The following SETX variants were observed in gnomAD, a reference collection of about 807,000 sequenced individuals.
SETX encodes helicase senataxin.
In SETX, 90 loss-of-function variants were observed where a neutral mutation model predicts 227.2. The observed-to-expected ratio is 0.40, with a 90% CI of 0.33 to 0.47. The LOEUF is 0.47. SETX is among the 20% of genes least tolerant of loss of function. The pLI is 0.91. For missense variants in SETX, 3,052 were observed against 3,181.5 expected, an observed-to-expected ratio of 0.96 and a Z score of 0.98; for synonymous variants, 1,210 against 1,113.2, an observed-to-expected ratio of 1.09 and a Z score of -1.73.
intron 15 of SETX, among the ~76,000 whole-genome samples, chr9:132,289,130 T>A (rs10793911): frequency 0.056 from 8,524 of 152,252 alleles, 370 homozygotes; most frequent in East Asian, 0.25. Flanking sequence ...TAAAGCCTTC[T>A]AATTGCCATC....
In SETX at chr9:132,329,005, T is replaced by C; in HGVS notation, c.2593A>G (p.Lys865Glu). ...EQKSQNNVLP[K>E]EKQLKNEELV... ...TCTTCATTCTTTAATTGTTTCTCTT[T>C]TGGCAATACATTGTTTTGAGATTTT... Residue 865 changes from lysine (K) to glutamate (E), a missense_variant, in exon 10 of 26, where the codon AAA becomes GAA. Coordinates refer to ENST00000224140, the MANE Select transcript of SETX (RefSeq NM_015046.7). 3 of 1,607,072 alleles carry C rather than the reference T, an allele frequency of 1.9e-6. No homozygotes were observed. Among genetic ancestry groups the C allele is most frequent in the Non-Finnish European group, 2.5e-6 (3 of 1,177,328 alleles).
At chr9:132,320,931 GCT>G (rs1255304350) in intron 10 of SETX, among the ~76,000 whole-genome samples, 1 of 152,210 alleles carries the variant, frequency 6.6e-6, no homozygotes, top group Admixed American at 6.5e-5. Context: ...GGAAGCAACA[GCT>G]CTCTCTAGAA....
chr9:132,275,291 A>C lies in SETX; in HGVS notation c.7065T>G (p.Ile2355Met), dbSNP rs1315756740. The change falls in exon 23 of 26, where the codon ATT becomes ATG. Residue 2355 changes from isoleucine (I) to methionine (M), a missense_variant. Around this residue, in one of 10 missense-constraint regions of SETX, gnomAD observed 412 missense variants for 589.0 expected, o/e 0.70. Transcript: ENST00000224140. ...ITHYKAQKTM[I>M]QKDLDKEFDR... ...CGAACTCTTTGTCCAAATCCTTCTG[A>C]ATCATCGTCTTCTGGGCCTTGTAAT... The C allele has an allele frequency of 1.9e-6, 3 of 1,614,142 alleles. No homozygotes were observed. The highest frequency in any genetic ancestry group is 1.7e-6 in the Non-Finnish European group (2 of 1,180,020).
At chr9:132,294,003 G>A (rs763909454) in intron 15 of SETX, among the ~76,000 whole-genome samples, 6 of 152,074 alleles carry the variant, frequency 3.9e-5, no homozygotes, top group African/African-American at 9.7e-5. Flanking sequence ...CAGCCTGGGC[G>A]ACAGGGTGAG....
intron 21 of SETX, among the ~76,000 whole-genome samples, chr9:132,277,644 C>A (rs1190187635): frequency 1.3e-5 from 2 of 151,830 alleles, no homozygotes; most frequent in African/African-American, 4.8e-5. Flanking sequence ...ATTAGCCAGG[C>A]ATGGTGGTGA....
chr9:132,347,683 A>G (rs891985799), intron 3 of SETX, among the ~76,000 whole-genome samples: 6 of 152,060 alleles, frequency 3.9e-5, no homozygotes, highest in East Asian at 3.9e-4. Flanking sequence ...AAAAAAAAAA[A>G]AGAGAAGCTG....
rs148277565 is a variant in SETX, at chr9:132,299,641, T to C, written c.5548+989A>G. Among the ~76,000 whole-genome samples the C allele has an allele frequency of 2.2e-3, 342 of 152,316 alleles. 2 individuals are homozygous for C. The highest frequency in any genetic ancestry group is 9.6e-3 in the East Asian group (50 of 5,186). ...ATAACTAAGACTAAAAAAGTTGCAA[T>C]TGCCAAAAAGGCAGTTTGGCATAAG... On this transcript the variant is annotated intron_variant, in intron 12 of 25. Transcript: ENST00000224140.
rs369520040 is a variant in SETX, at chr9:132,328,386, A to G, written c.3212T>C (p.Phe1071Ser). The G allele has an allele frequency of 1.1e-5, 18 of 1,614,036 alleles. No homozygotes were observed. The African/African-American group carries it at 2.4e-4, about 22-fold the overall frequency. ...PVKEEKTETL[F>S]QFEESDSQCF... Reference sequence around the variant, plus strand: ...CTGAGAATCAGATTCCTCAAACTGAAAAAGAGTCTCTGTCTTTTCTTCCTT... The same window carrying G: ...CTGAGAATCAGATTCCTCAAACTGAGAAAGAGTCTCTGTCTTTTCTTCCTT... The change falls in exon 10 of 26, where the codon TTT becomes TCT. Residue 1071 changes from phenylalanine to serine, a missense_variant. Transcript: ENST00000224140.
chr9:132,330,595 C>T, intron 9 of SETX, 96 bp from the exon 10 acceptor site: 4 of 1,064,374 alleles, frequency 3.8e-6, no homozygotes, highest in Admixed American at 3.9e-5. Context: ...TCTCAACTCT[C>T]TTATTTTGGT....
Position 132,305,170 on chromosome 9 carries a change from T to C in SETX, c.5375-4367A>G, listed in dbSNP as rs915436854. On this transcript the variant is annotated intron_variant, in intron 11 of 25. Coordinates refer to ENST00000224140, the MANE Select transcript of SETX (RefSeq NM_015046.7). ...GAGATCAAGACCATCCTGGCTAACA[T>C]GGTGAAACCCCGCCATTACTGAAAA... is the stretch of plus-strand genomic sequence containing the variant. Among the ~76,000 whole-genome samples, 4 of 150,710 alleles carry C rather than the reference T, an allele frequency of 2.7e-5. 1 individual carries two copies. Among genetic ancestry groups the C allele is most frequent in the East Asian group, 2.0e-4 (1 of 5,068 alleles).
rs755313211 is a variant in SETX, at chr9:132,264,816, G to T, written c.7457C>A (p.Pro2486His). ...PPTIAPEGSR[P>H]QGGLPSSKLD... ...CTTGCTGCTGGGCAAACCACCCTGG[G>T]GTCTGGACCCCTCTGGGGCTATGGT... Residue 2486 changes from proline to histidine, a missense_variant, in exon 26 of 26, where the codon CCC becomes CAC. Coordinates refer to ENST00000224140, the MANE Select transcript of SETX (RefSeq NM_015046.7). 6.2e-7 allele frequency: 1 copy of T among 1,614,050 alleles called. No individual in the cohort carries two copies. The highest frequency in any genetic ancestry group is 1.7e-5 in the Admixed American group (1 of 60,004).
At chr9:132,302,043 A>G (rs1293397514) in intron 11 of SETX, among the ~76,000 whole-genome samples, 2 of 152,186 alleles carry the variant, frequency 1.3e-5, no homozygotes, top group Admixed American at 6.5e-5. Flanking sequence ...CTTTAGAGTC[A>G]AAGCAATCCT....
At chr9:132,316,076 C>T (rs1368838588) in intron 10 of SETX, among the ~76,000 whole-genome samples, 2 of 152,186 alleles carry the variant, frequency 1.3e-5, no homozygotes, top group Non-Finnish European at 2.9e-5. Flanking sequence ...AGCTCCAACT[C>T]TATATCCTAT....
In SETX at chr9:132,354,978, A is replaced by C. The variant is rs928445777; in HGVS notation, c.-176T>G. 1 of 152,202 alleles carries C rather than the reference A, an allele frequency of 6.6e-6. No homozygotes were observed. The highest frequency in any genetic ancestry group is 2.1e-4 in the South Asian group (1 of 4,824). 9.4% of individuals were successfully genotyped at this position (152,202 alleles called of 1,614,324 possible). On this transcript the variant is annotated 5_prime_UTR_variant, in exon 1 of 26. Transcript: ENST00000224140. ...ATACCGGGCCCCGCTCTAGGCCACC[A>C]GCGGAAGTGCGGGCCCGCAGCCGCA...
At chr9:132,285,168 C>G (rs565919165) in intron 18 of SETX, among the ~76,000 whole-genome samples, 1 of 151,952 alleles carries the variant, frequency 6.6e-6, no homozygotes, top group Non-Finnish European at 1.5e-5. Context: ...TGAGCCACCG[C>G]GCCTGGCCAA....
rs760584527 is a variant in SETX, at chr9:132,331,454, A to G, written c.839-6T>C. 1.9e-5 allele frequency: 30 copies of G among 1,613,510 alleles called. No homozygotes were observed. The highest frequency in any genetic ancestry group is 3.3e-4 in the Middle Eastern group (2 of 6,084). ...GAAAGGATCCACACTATCATCTGAA[A>G]TACAATGGCACAATCGTTGAATTAC... On this transcript the variant is annotated splice_polypyrimidine_tract_variant and splice_region_variant and intron_variant, in intron 7 of 25. Coordinates refer to ENST00000224140, the MANE Select transcript of SETX (RefSeq NM_015046.7).
intron 2 of SETX, among the ~76,000 whole-genome samples, chr9:132,350,503 GGCTTGGCT>G (rs2131580382): frequency 6.6e-6 from 1 of 152,162 alleles, no homozygotes; most frequent in South Asian, 2.1e-4. Context: ...ACAGAAACTA[GGCTTGGCT>G]GCTGAGGCTT....
At chr9:132,310,233 C>A (rs1655547101) in intron 11 of SETX, among the ~76,000 whole-genome samples, 1 of 152,194 alleles carries the variant, frequency 6.6e-6, no homozygotes, top group Non-Finnish European at 1.5e-5. Context: ...CACAGCCCAA[C>A]AGCTAAAAAT....
chr9:132,330,975 C>T (rs1847186992), intron 9 of SETX, 77 bp downstream of exon 9: 4 of 1,184,340 alleles, frequency 3.4e-6, no homozygotes, highest in African/African-American at 1.5e-5. Context: ...AAATCTGCAA[C>T]TCAACAAATT....
Sources: gnomAD v4.1 joint callset for allele counts (sites outside exome capture counted in the v4.1 genomes callset) on GRCh38, gnomAD v4.1.1 for gene constraint, gnomAD v4.1.1 regional missense constraint, MANE v1.5 for transcripts, NCBI Gene and HGNC (gene_info 2026-07-23, HGNC 2026-07-21) for gene names.